The following NCALD variants were observed in gnomAD, a reference collection of about 807,000 sequenced individuals.
NCALD encodes neurocalcin-delta.
Under a neutral mutation model 18.6 loss-of-function variants are expected in NCALD, and 10 were observed. That is an observed-to-expected ratio of 0.54 (90% CI 0.33 to 0.91). The LOEUF (loss-of-function observed/expected upper bound fraction) is 0.91, where lower values mean the gene tolerates loss of function less well. NCALD is among the 40% of genes least tolerant of loss of function. The pLI, the probability that NCALD is intolerant of heterozygous loss-of-function variation, is 0.03. For synonymous variants in NCALD, 88 were observed against 87.4 expected (o/e 1.01, Z -0.04); for missense variants, 184 against 247.6 (o/e 0.74, Z 1.72).
chr8:101,773,411 A>G (rs1220800498), intron 1 of NCALD, among the ~76,000 whole-genome samples: 1 of 152,226 alleles, frequency 6.6e-6, no homozygotes, highest in Non-Finnish European at 1.5e-5. Context: ...CTCTCTGATA[A>G]CAAAATGCTG....
In NCALD at chr8:101,688,962, A is replaced by T. The variant is rs1814582908; in HGVS notation, c.*347T>A. ...AAAGCCCCTTGAAGCTTGCAATAGA[A>T]TCACAGGACTGGATGGGTTTCCCTT... On this transcript the variant is annotated 3_prime_UTR_variant, in exon 4 of 4. Coordinates refer to ENST00000220931, the MANE Select transcript of NCALD (RefSeq NM_032041.3). The T allele has an allele frequency of 1.5e-6, 1 of 654,344 alleles. No individual in the cohort carries two copies. Among genetic ancestry groups the T allele is most frequent in the African/African-American group, 1.8e-5 (1 of 54,920 alleles). The allele number at this position is 654,344 out of a possible 1,614,324, so 40.5% of individuals were successfully genotyped here. A position where few individuals can be genotyped will look rare whatever the true frequency, so the allele number is the denominator to read the frequency against.
intron 4 of NCALD, among the ~76,000 whole-genome samples, chr8:101,882,894 T>G (rs568594783): frequency 1.3e-5 from 2 of 152,334 alleles, no homozygotes; most frequent in African/African-American, 4.8e-5. Context: ...TTGTTTTCTG[T>G]GTTGTAAGTC....
At chr8:102,118,390 T>A (rs970319939) in intron 1 of NCALD, among the ~76,000 whole-genome samples, 2 of 152,240 alleles carry the variant, frequency 1.3e-5, no homozygotes, top group Non-Finnish European at 2.9e-5. Context: ...CCCGCACCTT[T>A]GTAAATAGTC....
At chr8:101,696,650 G>A (rs1197619949) in intron 2 of NCALD, among the ~76,000 whole-genome samples, 2 of 152,198 alleles carry the variant, frequency 1.3e-5, no homozygotes, top group African/African-American at 4.8e-5. Context: ...AGCAACAAAA[G>A]ATGGAAGTGA....
intron 1 of NCALD, among the ~76,000 whole-genome samples, chr8:102,074,495 C>T (rs1483214694): frequency 4.6e-5 from 7 of 152,132 alleles, no homozygotes; most frequent in Non-Finnish European, 8.8e-5. Context: ...ATTCTGAACC[C>T]CTAGGAGACT....
chr8:101,823,969 A>G (rs995921127), intron 4 of NCALD, among the ~76,000 whole-genome samples: 2 of 152,182 alleles, frequency 1.3e-5, no homozygotes, highest in Non-Finnish European at 2.9e-5. Context: ...GTACATTTAA[A>G]TTTCCTTTTG....
intron 1 of NCALD, among the ~76,000 whole-genome samples, chr8:101,746,962 A>G (rs1228638627): frequency 6.6e-6 from 1 of 152,142 alleles, no homozygotes; most frequent in African/African-American, 2.4e-5. Context: ...AAGATGTTCC[A>G]ATCAAATATG....
intron 2 of NCALD, among the ~76,000 whole-genome samples, chr8:102,003,342 T>C (rs1449941682): frequency 1.3e-5 from 2 of 152,214 alleles, no homozygotes; most frequent in African/African-American, 2.4e-5. Context: ...AGAAGTTGAA[T>C]CTCTGAATAG....
intron 3 of NCALD, among the ~76,000 whole-genome samples, chr8:101,891,522 A>C (rs754285484): frequency 6.6e-6 from 1 of 152,242 alleles, no homozygotes; most frequent in Non-Finnish European, 1.5e-5. Flanking sequence ...AAGATGGCCA[A>C]ATAGGAACAG....
chr8:102,114,101 A>G (rs774039107), intron 1 of NCALD, among the ~76,000 whole-genome samples: 1 of 152,176 alleles, frequency 6.6e-6, no homozygotes, highest in African/African-American at 2.4e-5. Context: ...TTCATGCTCA[A>G]AACAGCCCTG....
chr8:102,084,200 A>G lies in NCALD; in HGVS notation c.-210+40037T>C, dbSNP rs553750272. ...ATGTATCCTGAAAACAAAACCCTAA[A>G]ATTTCTTTTATTACAGATGTTGTTA... On this transcript the variant is annotated intron_variant, in intron 1 of 6. Coordinates refer to the NCALD transcript ENST00000311028. 1.5e-3 allele frequency among the ~76,000 whole-genome samples: 228 copies of G among 152,252 alleles called. 2 individuals carry two copies. The highest frequency in any genetic ancestry group is 5.3e-3 in the African/African-American group (221 of 41,546).
intron 1 of NCALD, among the ~76,000 whole-genome samples, chr8:102,113,899 T>C (rs1233246599): frequency 6.6e-6 from 1 of 152,240 alleles, no homozygotes; most frequent in Non-Finnish European, 1.5e-5. Flanking sequence ...CAAACAACCG[T>C]GAATCAGTGA....
At chr8:102,032,642 A>AG (rs1822719258) in intron 1 of NCALD, among the ~76,000 whole-genome samples, 1 of 150,906 alleles carries the variant, frequency 6.6e-6, no homozygotes, top group Admixed American at 6.6e-5. Context: ...AAAAAAAAAA[A>AG]GAGGACTGAG....
Position 101,892,707 on chromosome 8 carries a change from G to A in NCALD, c.-106-5480C>T, listed in dbSNP as rs980661228. Among the ~76,000 whole-genome samples the A allele has an allele frequency of 2.4e-4, 36 of 150,646 alleles. No individual in the cohort carries two copies. In the East Asian group the frequency reaches 2.5e-3, roughly 10 times the overall value. ...CTGAAAACCAAGGCTCGAGAACTAC[G>A]TGAAGAATGCAGAAGCCTCAGGAGC... On this transcript the variant is annotated intron_variant, in intron 3 of 6. Transcript: ENST00000311028.
intron 1 of NCALD, among the ~76,000 whole-genome samples, chr8:101,726,071 G>T (rs542722512): frequency 8.5e-5 from 13 of 152,256 alleles, no homozygotes; most frequent in African/African-American, 3.1e-4. Context: ...AATGAGAGGG[G>T]TCTAAGCTGG....
intron 4 of NCALD, among the ~76,000 whole-genome samples, chr8:101,869,723 C>T (rs1815927560): frequency 6.6e-6 from 1 of 152,116 alleles, no homozygotes; most frequent in South Asian, 2.1e-4. Flanking sequence ...AGACTTAAAC[C>T]AAAGTCTACA....
chr8:101,762,163 C>T (rs117389986), intron 1 of NCALD, among the ~76,000 whole-genome samples: 2,988 of 152,254 alleles, frequency 0.02, 48 homozygotes, highest in Middle Eastern at 0.037. Context: ...TGCATTTTCC[C>T]TAAATAGACC....
chr8:102,096,711 A>G (rs1825114745), intron 1 of NCALD, among the ~76,000 whole-genome samples: 1 of 152,210 alleles, frequency 6.6e-6, no homozygotes, highest in South Asian at 2.1e-4. Context: ...CAAGTGGTCA[A>G]TGGGAAACCC....
At chr8:101,887,107 T>G (rs548778502) in intron 4 of NCALD, 1 of 152,242 alleles carries the variant, frequency 6.6e-6, no homozygotes, top group Admixed American at 6.5e-5. Context: ...TTTACACAAT[T>G]TAACCCTTTC....
Sources: allele counts gnomAD v4.1 joint callset (sites outside exome capture counted in the v4.1 genomes callset), GRCh38; gene constraint gnomAD v4.1.1; transcripts MANE v1.5; gene names NCBI Gene and HGNC (gene_info 2026-07-23, HGNC 2026-07-21).